Variants in CEP152 observed in about 807,000 individuals in gnomAD.
The protein encoded by CEP152 is centrosomal protein of 152 kDa.
In CEP152, 132 loss-of-function variants were observed where a neutral mutation model predicts 188.9. That is an observed-to-expected ratio of 0.70 (90% confidence interval 0.61 to 0.81). The LOEUF is 0.81. Ranked by LOEUF, CEP152 falls within the 30% of genes least tolerant of loss-of-function variation. The pLI is 0.00. For synonymous variants in CEP152, 649 were observed against 666.6 expected, an observed-to-expected ratio of 0.97 and a Z score of 0.41; for missense variants, 1,914 against 1,969.8, an observed-to-expected ratio of 0.97 and a Z score of 0.54.
At chr15:48,810,428 C>T (rs1030336826) in intron 1 of CEP152, 1 of 152,268 alleles carries the variant, frequency 6.6e-6, no homozygotes, top group African/African-American at 2.4e-5. Flanking sequence ...GTGCTAATAA[C>T]AGCACTTTGG....
rs749687482 is a variant in CEP152 at position 48,756,315 on chromosome 15, T to C, written c.2933A>G (p.Asp978Gly). ...IHRIQEQNEQDYRQFLDDHRN... is the reference protein window; with the variant it reads ...IHRIQEQNEQGYRQFLDDHRN... ...GTGATCATCTAAAAATTGCCGGTAA[T>C]CTTGCTCATTTTGTTCTTGGATTCT... The change falls in exon 20 of 27, where the codon GAT (aspartate) becomes GGT (glycine). Residue 978 changes from aspartate to glycine, a missense_variant. Transcript: ENST00000380950. 6.3e-7 allele frequency: 1 copy of C among 1,576,166 alleles called. No individual in the cohort carries two copies. Among genetic ancestry groups the C allele is most frequent in the Non-Finnish European group, 8.6e-7 (1 of 1,164,600 alleles).
Position 48,741,713 on chromosome 15 carries a change from A to G in CEP152, c.3990-9T>C. On this transcript the variant is annotated splice_polypyrimidine_tract_variant and intron_variant, in intron 25 of 26. Coordinates refer to ENST00000380950, the MANE Select transcript of CEP152 (RefSeq NM_001194998.2). ...TAATCTTTTTCTCAGCCCTGTGGGG[A>G]ATTCCAGAATATTAAAAATATAGTT... The G allele has an allele frequency of 6.2e-7, 1 of 1,613,900 alleles. No homozygotes were observed. The highest frequency in any genetic ancestry group is 8.5e-7 in the Non-Finnish European group (1 of 1,180,010).
At chr15:48,789,040 C>T in intron 8 of CEP152, 39 bp from the exon 9 acceptor site, 3 of 1,549,132 alleles carry the variant, frequency 1.9e-6, no homozygotes, top group East Asian at 2.2e-5. Context: ...TTAAAATATA[C>T]ACAGAGTATT....
rs769990157 is a variant in CEP152 at position 48,738,819 on chromosome 15, A to G, written c.4563T>C (p.His1521=). The G allele has an allele frequency of 1.1e-5, 18 of 1,614,080 alleles. No individual in the cohort carries two copies. Among genetic ancestry groups the G allele is most frequent in the Non-Finnish European group, 1.5e-5 (18 of 1,180,028 alleles). ...TPGPSESGCM[H]ITFRDSNERL... is the part of the protein sequence containing the mutation. Reference sequence around the variant, plus strand: ...TTTCATTAGAATCGCGAAAGGTTATATGCATGCATCCTGATTCAGAAGGAC... The same window carrying G: ...TTTCATTAGAATCGCGAAAGGTTATGTGCATGCATCCTGATTCAGAAGGAC... The change falls in exon 27 of 27, where the codon CAT becomes CAC. Residue 1521 remains histidine, a synonymous_variant. Transcript: ENST00000380950.
At chr15:48,796,181 G>A (rs1897278305) in intron 5 of CEP152, 21 bp from the exon 6 acceptor site, 1 of 1,612,448 alleles carries the variant, frequency 6.2e-7, no homozygotes, top group Non-Finnish European at 8.5e-7. Context: ...AAATGAAACT[G>A]ACAATTAAGA....
intron 6 of CEP152, among the ~76,000 whole-genome samples, chr15:48,793,889 AAGTACATC>A (rs1409484472): frequency 1.3e-5 from 2 of 152,226 alleles, no homozygotes; most frequent in Non-Finnish European, 2.9e-5. Flanking sequence ...AAAACAAAAC[AAGTACATC>A]AGCTTCTATA....
At chr15:48,802,968 C>T (rs1433968009) in intron 2 of CEP152, among the ~76,000 whole-genome samples, 2 of 152,254 alleles carry the variant, frequency 1.3e-5, no homozygotes, top group African/African-American at 4.8e-5. Flanking sequence ...ACTAGCCTTT[C>T]ATCCCAGGCA....
intron 26 of CEP152, chr15:48,740,931 A>G (rs4417507): frequency 0.038 from 26,405 of 701,848 alleles, 537 homozygotes; most frequent in Middle Eastern, 0.051. Flanking sequence ...TAGAACACCA[A>G]CTAATTACCC....
chr15:48,768,898 T>C, intron 14 of CEP152, 58 bp downstream of exon 14: 1 of 1,280,080 alleles, frequency 7.8e-7, no homozygotes, highest in East Asian at 2.6e-5. Context: ...TATTATATCC[T>C]TTGTATTTAA....
At position 48,738,901 on chromosome 15, in the gene CEP152, G is replaced by A; in HGVS notation, c.4481C>T (p.Ala1494Val). Reference protein sequence around the residue: ...DNGSESLPHSAAYPFLGTLGN... With the variant: ...DNGSESLPHSVAYPFLGTLGN... The stretch of plus-strand genomic sequence containing the variant: ...TAAGGTTCCAAGAAAGGGGTATGCA[G>A]CTGAATGCGGAAGTGATTCAGAACC... The change falls in exon 27 of 27, where the codon GCT becomes GTT. Residue 1494 changes from alanine (A) to valine (V), a missense_variant. By Grantham distance (64) the Ala-to-Val change is moderately conservative. Coordinates refer to ENST00000380950, the MANE Select transcript of CEP152 (RefSeq NM_001194998.2). The A allele has an allele frequency of 6.2e-7, 1 of 1,614,242 alleles. No homozygotes were observed. Among genetic ancestry groups the A allele is most frequent in the South Asian group, 1.1e-5 (1 of 91,086 alleles).
chr15:48,805,535 CT>C lies in CEP152; in HGVS notation c.87+27del, dbSNP rs372967874. Reference sequence around the variant, plus strand: ...TTGTTAAAGATTGGGTTTAGTGTCTCTTTTTTTTTTTTTTTTTAACAACTTA... The same window carrying C: ...TTGTTAAAGATTGGGTTTAGTGTCTCTTTTTTTTTTTTTTTTAACAACTTA... On this transcript the variant is annotated intron_variant, in intron 2 of 26. Transcript: ENST00000380950. The C allele has an allele frequency of 0.072, 82,273 of 1,138,270 alleles. 31 individuals carry two copies. The highest frequency in any genetic ancestry group is 0.075 in the Non-Finnish European group (62,670 of 833,112). The allele number at this position is 1,138,270 out of a possible 1,614,324, so 70.5% of individuals were successfully genotyped here.
At chr15:48,801,177 G>A (rs1897645595) in intron 2 of CEP152, among the ~76,000 whole-genome samples, 1 of 152,136 alleles carries the variant, frequency 6.6e-6, no homozygotes, top group African/African-American at 2.4e-5. Context: ...AAAAGATTCT[G>A]ATATTTTCAA....
intron 22 of CEP152, among the ~76,000 whole-genome samples, chr15:48,746,587 A>C (rs1893447634): frequency 6.6e-6 from 1 of 152,162 alleles, no homozygotes; most frequent in South Asian, 2.1e-4. Flanking sequence ...TCTATCTCTT[A>C]GTAATAAGTA....
chr15:48,755,903 C>T lies in CEP152; in HGVS notation c.3345G>A (p.Lys1115=). The change falls in exon 20 of 27, where the codon AAG becomes AAA. Residue 1115 remains lysine (K), a splice_region_variant and synonymous_variant. Coordinates refer to ENST00000380950, the MANE Select transcript of CEP152 (RefSeq NM_001194998.2). ...LVENADPEWK[K]RNMAELSKDS... ...CCTTCTCTCACTCTCAGGAACATAC[C>T]TTTTTCCATTCTGGGTCAGCGTTTT... 6.2e-7 allele frequency: 1 copy of T among 1,613,440 alleles called. No homozygotes were observed. Among genetic ancestry groups the T allele is most frequent in the East Asian group, 2.2e-5 (1 of 44,864 alleles).
At chr15:48,766,647 T>A (rs1178565385) in intron 17 of CEP152, among the ~76,000 whole-genome samples, 8 of 152,040 alleles carry the variant, frequency 5.3e-5, no homozygotes, top group African/African-American at 1.9e-4. Context: ...GACAATGAGG[T>A]AGTGAGAAAG....
At chr15:48,771,099 TG>T (rs1895496515) in intron 13 of CEP152, among the ~76,000 whole-genome samples, 1 of 152,150 alleles carries the variant, frequency 6.6e-6, no homozygotes, top group African/African-American at 2.4e-5. Flanking sequence ...TATTTTCTAT[TG>T]GGAGTATAGA....
intron 26 of CEP152, chr15:48,740,498 C>G (rs748561876): frequency 3.3e-5 from 5 of 151,756 alleles, no homozygotes; most frequent in Admixed American, 6.6e-5. Flanking sequence ...TACTTACCCA[C>G]GCTCTCTAGG....
In CEP152 at chr15:48,744,160, C is replaced by G; in HGVS notation, c.3835+80G>C. The G allele has an allele frequency of 1.9e-6, 3 of 1,568,714 alleles. No homozygotes were observed. In the South Asian group the frequency reaches 3.5e-5, roughly 18 times the overall value. The stretch of plus-strand genomic sequence containing the variant: ...GGAAAATTCCCTAGAAGAACTACTG[C>G]TGGTAAACTCTGAGTTTACTTTAAC... On this transcript the variant is annotated intron_variant, in intron 24 of 26. Coordinates refer to ENST00000380950, the MANE Select transcript of CEP152 (RefSeq NM_001194998.2).
downstream of CEP152, among the ~76,000 whole-genome samples, chr15:48,733,384 A>G (rs975240692): frequency 6.6e-6 from 1 of 152,238 alleles, no homozygotes; most frequent in African/African-American, 2.4e-5. Flanking sequence ...CAGAAAGTTC[A>G]ATAGCTGAAA....
Sources: allele counts gnomAD v4.1 joint callset (sites outside exome capture counted in the v4.1 genomes callset), GRCh38; gene constraint gnomAD v4.1.1; transcripts MANE v1.5; gene names NCBI Gene and HGNC (gene_info 2026-07-23, HGNC 2026-07-21).